Variants in DYNC1LI2 observed in about 807,000 individuals in gnomAD.
The protein encoded by DYNC1LI2 is dynein cytoplasmic 1 light intermediate chain 2.
In DYNC1LI2, 19 loss-of-function variants were observed where a neutral mutation model predicts 57.8. That is an observed-to-expected ratio of 0.33 (90% CI 0.23 to 0.48). The LOEUF (loss-of-function observed/expected upper bound fraction) is 0.48. Among genes scored for constraint, DYNC1LI2 ranks in the 20% least tolerant of loss-of-function variants. DYNC1LI2 has a pLI of 0.99. For synonymous variants in DYNC1LI2, 256 were observed against 233.4 expected (o/e 1.10, Z -0.88); for missense variants, 470 against 604.2 (o/e 0.78, Z 2.33).
At position 66,722,557 on chromosome 16, in the gene DYNC1LI2, C is replaced by T. The variant is rs996238551; in HGVS notation, c.*1165G>A. Reference sequence around the variant, plus strand: ...TGCTACATTTTATGAAAACACCTAACAAGAGAAATGTATCATTTCCATTTT... The same window carrying T: ...TGCTACATTTTATGAAAACACCTAATAAGAGAAATGTATCATTTCCATTTT... On this transcript the variant is annotated 3_prime_UTR_variant, in exon 13 of 13. Coordinates refer to ENST00000258198, the MANE Select transcript of DYNC1LI2 (RefSeq NM_006141.3). The T allele has an allele frequency of 6.6e-5, 10 of 152,592 alleles. No individual in the cohort carries two copies. The South Asian group carries it at 1.9e-3, about 28-fold the overall frequency. The allele number at this position is 152,592 out of a possible 1,614,324, so 9.5% of individuals were successfully genotyped here. A position where few individuals can be genotyped will look rare whatever the true frequency, so the allele number is the denominator to read the frequency against.
At chr16:66,739,086 A>G (rs2017791793) in intron 4 of DYNC1LI2, 1 of 152,212 alleles carries the variant, frequency 6.6e-6, no homozygotes, top group Admixed American at 6.5e-5. Flanking sequence ...ACTTTTAACA[A>G]ATCTTCAAAT....
chr16:66,736,105 CAGGTTATGAG>C lies in DYNC1LI2; in HGVS notation c.659_668del (p.Thr220ArgfsTer15). On this transcript the variant is annotated frameshift_variant, in exon 5 of 13. Coordinates refer to ENST00000258198, the MANE Select transcript of DYNC1LI2 (RefSeq NM_006141.3). LOFTEE classifies it high-confidence loss of function. ...TGCACACCACCAACACCGGGATCCC[CAGGTTATGAG>C]TCAGCACATTGTCACCCAGAGGCAG... 6.2e-7 allele frequency: 1 copy of C among 1,614,078 alleles called. No homozygotes were observed. The highest frequency in any genetic ancestry group is 8.5e-7 in the Non-Finnish European group (1 of 1,180,024).
At chr16:66,750,381 G>A (rs1013625962) in intron 2 of DYNC1LI2, among the ~76,000 whole-genome samples, 1 of 152,148 alleles carries the variant, frequency 6.6e-6, no homozygotes, top group African/African-American at 2.4e-5. Flanking sequence ...TCAGGAAACA[G>A]CACTAACTCT....
In DYNC1LI2 at chr16:66,723,477, C is replaced by A; in HGVS notation, c.*245G>T. 1 of 597,366 alleles carries A rather than the reference C, an allele frequency of 1.7e-6. No individual in the cohort carries two copies. The highest frequency in any genetic ancestry group is 3.1e-6 in the Non-Finnish European group (1 of 319,442). The allele number at this position is 597,366 out of a possible 1,614,324, so 37.0% of individuals were successfully genotyped here. On this transcript the variant is annotated 3_prime_UTR_variant, in exon 13 of 13. Coordinates refer to ENST00000258198, the MANE Select transcript of DYNC1LI2 (RefSeq NM_006141.3). ...CCACAAGAAGCCCAGATGTGCTTGCCTCCCACAAAAGAGCCACATGCCCCA... is the reference window on the plus strand; with the variant it reads ...CCACAAGAAGCCCAGATGTGCTTGCATCCCACAAAAGAGCCACATGCCCCA...
At chr16:66,726,883 T>TCAGCCTCC (rs2017546024) in intron 11 of DYNC1LI2, among the ~76,000 whole-genome samples, 1 of 151,694 alleles carries the variant, frequency 6.6e-6, no homozygotes, top group African/African-American at 2.4e-5. Context: ...TCTGCCCGCC[T>TCAGCCTCC]CAGCCTCCCA....
At chr16:66,736,801 G>A (rs1333920657) in intron 4 of DYNC1LI2, among the ~76,000 whole-genome samples, 1 of 152,136 alleles carries the variant, frequency 6.6e-6, no homozygotes, top group Non-Finnish European at 1.5e-5. Flanking sequence ...ACCATGTCTG[G>A]CCCTTAAACA....
At position 66,723,025 on chromosome 16, in the gene DYNC1LI2, G is replaced by A. The variant is rs951228797; in HGVS notation, c.*697C>T. The A allele has an allele frequency of 2.5e-5, 8 of 316,388 alleles. No homozygotes were observed. Among genetic ancestry groups the A allele is most frequent in the Non-Finnish European group, 5.0e-5 (8 of 161,120 alleles). The allele number at this position is 316,388 out of a possible 1,614,324, so 19.6% of individuals were successfully genotyped here. A position where few individuals can be genotyped will look rare whatever the true frequency, so the allele number is the denominator to read the frequency against. ...GGGCCAAGCACATGGGTCCTGGGCAGCTGCCATCGTTCCCACCCCTGGGTC... is the reference window on the plus strand; with the variant it reads ...GGGCCAAGCACATGGGTCCTGGGCAACTGCCATCGTTCCCACCCCTGGGTC... On this transcript the variant is annotated 3_prime_UTR_variant, in exon 13 of 13. Transcript: ENST00000258198.
intron 4 of DYNC1LI2, among the ~76,000 whole-genome samples, chr16:66,736,873 G>C (rs930950877): frequency 1.3e-5 from 2 of 152,212 alleles, no homozygotes; most frequent in Non-Finnish European, 2.9e-5. Flanking sequence ...CTTTTCTTAT[G>C]TATCTTACAT....
chr16:66,732,631 T>A (rs1225704227), intron 6 of DYNC1LI2, 157 bp from the exon 7 acceptor site: 2 of 593,140 alleles, frequency 3.4e-6, no homozygotes, highest in Non-Finnish European at 5.3e-6. Flanking sequence ...CTTATAGTAT[T>A]ACATAGGCAT....
At position 66,722,133 on chromosome 16, in the gene DYNC1LI2, G is replaced by A. The variant is rs1200085876; in HGVS notation, c.*1589C>T. 6.6e-6 allele frequency: 1 copy of A among 152,632 alleles called. No homozygotes were observed. The highest frequency in any genetic ancestry group is 2.4e-5 in the African/African-American group (1 of 41,448). 9.5% of individuals were successfully genotyped at this position (152,632 alleles called of 1,614,324 possible). A position where few individuals can be genotyped will look rare whatever the true frequency, so the allele number is the denominator to read the frequency against. ...GATACTCAGCTTTCTCCTTAACAGT[G>A]TTCAGACCTTTACGAAAGCAATTCA... On this transcript the variant is annotated 3_prime_UTR_variant, in exon 13 of 13. Transcript: ENST00000258198.
chr16:66,735,261 C>T (rs2017713947), intron 5 of DYNC1LI2, among the ~76,000 whole-genome samples: 1 of 151,734 alleles, frequency 6.6e-6, no homozygotes, highest in Non-Finnish European at 1.5e-5. Flanking sequence ...GCCACCACGC[C>T]TGGCTAATTT....
chr16:66,734,375 A>C, intron 5 of DYNC1LI2, 64 bp from the exon 6 acceptor site: 37 of 1,472,462 alleles, frequency 2.5e-5, no homozygotes, highest in Non-Finnish European at 3.4e-5. Flanking sequence ...GGAACACCTC[A>C]TTCTTCAGAA....
At chr16:66,732,181 G>A (rs1196868869) in intron 7 of DYNC1LI2, 158 bp downstream of exon 7, 7 of 968,896 alleles carry the variant, frequency 7.2e-6, no homozygotes, top group Non-Finnish European at 1.0e-5. Context: ...CCCTCAGGCA[G>A]ATGCCTCATA....
chr16:66,751,108 C>G lies in DYNC1LI2; in HGVS notation c.181+165G>C, dbSNP rs112666735. The stretch of plus-strand genomic sequence containing the variant: ...AAGAGGGCAGCATCCCACCCTCAGG[C>G]GCTGGAGGCTTGACCACTCTCCAGC... On this transcript the variant is annotated intron_variant, in intron 2 of 12. Transcript: ENST00000258198. The surrounding 1 kb of genome is among the most constrained non-coding windows in gnomAD (Gnocchi z 5.2). Among the ~76,000 whole-genome samples the G allele has an allele frequency of 0.015, 2,320 of 152,338 alleles. 52 individuals carry two copies. Among genetic ancestry groups the G allele is most frequent in the South Asian group, 0.095 (457 of 4,832 alleles).
intron 10 of DYNC1LI2, 101 bp from the exon 11 acceptor site, chr16:66,727,906 C>A: frequency 1.8e-6 from 2 of 1,118,130 alleles, no homozygotes; most frequent in Non-Finnish European, 1.3e-6. Context: ...TTTTCACAGG[C>A]TATGGTACAG....
At position 66,725,959 on chromosome 16, in the gene DYNC1LI2, A is replaced by T. The variant is rs199572341; in HGVS notation, c.1262-15T>A. ...TGCTGCATTATCTAAGGAAAATTAA[A>T]GAGAAAAAAAAGCATCATATAAACT... On this transcript the variant is annotated splice_polypyrimidine_tract_variant and intron_variant, in intron 11 of 12. Coordinates refer to ENST00000258198, the MANE Select transcript of DYNC1LI2 (RefSeq NM_006141.3). 25 of 1,605,438 alleles carry T rather than the reference A, an allele frequency of 1.6e-5. No homozygotes were observed. The East Asian group carries it at 5.3e-4, about 34-fold the overall frequency.
At position 66,723,311 on chromosome 16, in the gene DYNC1LI2, C is replaced by CTAT. The variant is rs1373309625; in HGVS notation, c.*410_*411insATA. On this transcript the variant is annotated 3_prime_UTR_variant, in exon 13 of 13. Transcript: ENST00000258198. Reference sequence around the variant, plus strand: ...TCTTTCTTTCCTGGACTTTCTGCTACTTAATCTGCTTCCCAAGAACAAGTG... The same window carrying CTAT: ...TCTTTCTTTCCTGGACTTTCTGCTACTATTTAATCTGCTTCCCAAGAACAAGTG... 3 of 457,824 alleles carry CTAT rather than the reference C, an allele frequency of 6.6e-6. No individual in the cohort carries two copies. The highest frequency in any genetic ancestry group is 1.3e-5 in the Non-Finnish European group (3 of 227,706). The allele number at this position is 457,824 out of a possible 1,614,324, so 28.4% of individuals were successfully genotyped here.
chr16:66,734,103 C>T (rs2017686452), intron 6 of DYNC1LI2, 115 bp downstream of exon 6: 1 of 908,806 alleles, frequency 1.1e-6, no homozygotes, highest in Non-Finnish European at 1.7e-6. Flanking sequence ...AAGATATATA[C>T]AAATTCTCTT....
chr16:66,733,952 G>A (rs2144982523), intron 6 of DYNC1LI2: 1 of 396,628 alleles, frequency 2.5e-6, no homozygotes, highest in South Asian at 3.0e-5. Flanking sequence ...CTTGAGGTCA[G>A]GAATTTGAGA....
Sources: allele counts gnomAD v4.1 joint callset (sites outside exome capture counted in the v4.1 genomes callset), GRCh38; gene constraint gnomAD v4.1.1; non-coding constraint Gnocchi (gnomAD v3.1); transcripts MANE v1.5; gene names NCBI Gene and HGNC (gene_info 2026-07-23, HGNC 2026-07-21).